Variants in LY6S observed in about 807,000 individuals in gnomAD.
LY6S encodes the protein lymphocyte antigen 6S.
chr8:143,052,421 T>G, the LY6S span, among the ~76,000 whole-genome samples: 1 of 152,196 alleles, frequency 6.6e-6, no homozygotes, highest in Admixed American at 6.5e-5. Context: ...AAAATAACCG[T>G]GGGGGCAAAC....
At chr8:143,063,796 C>G in the LY6S span, among the ~76,000 whole-genome samples, 1 of 152,186 alleles carries the variant, frequency 6.6e-6, no homozygotes, top group South Asian at 2.1e-4. Flanking sequence ...TCAGCCTGTC[C>G]GCTGTCAGCC....
At chr8:143,068,433 T>C in the LY6S span, among the ~76,000 whole-genome samples, 1 of 152,178 alleles carries the variant, frequency 6.6e-6, no homozygotes, top group Non-Finnish European at 1.5e-5. Context: ...AGTAACAATC[T>C]GATCTGTCTT....
At chr8:143,059,600 G>A in the LY6S span, 1 of 152,004 alleles carries the variant, frequency 6.6e-6, no homozygotes, top group Non-Finnish European at 1.5e-5. Context: ...AATATATATG[G>A]GACTATAGGC....
the LY6S span, among the ~76,000 whole-genome samples, chr8:143,069,148 C>T: frequency 6.6e-6 from 1 of 152,152 alleles, no homozygotes; most frequent in Non-Finnish European, 1.5e-5. Flanking sequence ...TCATCTCTTA[C>T]GTCTCCCACA....
At chr8:143,044,687 C>T in the LY6S span, 1 of 1,367,478 alleles carries the variant, frequency 7.3e-7, no homozygotes, top group Non-Finnish European at 9.8e-7. Context: ...GACTCACTGC[C>T]AAAGACGCTC....
At chr8:143,041,398 C>T in the LY6S span, among the ~76,000 whole-genome samples, 1 of 152,226 alleles carries the variant, frequency 6.6e-6, no homozygotes, top group South Asian at 2.1e-4. Context: ...TCACCTGGCT[C>T]ACAGGCAACC....
At chr8:143,071,878 A>G in the LY6S span, among the ~76,000 whole-genome samples, 2 of 152,062 alleles carry the variant, frequency 1.3e-5, no homozygotes, top group Non-Finnish European at 2.9e-5. Context: ...CACGGGAGGG[A>G]GTCTGGTGGT....
the LY6S span, among the ~76,000 whole-genome samples, chr8:143,043,445 A>C: frequency 2.0e-5 from 3 of 152,140 alleles, no homozygotes; most frequent in Admixed American, 6.5e-5. Flanking sequence ...GAGCCTGAAC[A>C]TCAAAGCCAT....
the LY6S span, chr8:143,057,917 G>A: frequency 3.4e-6 from 2 of 590,700 alleles, no homozygotes; most frequent in Non-Finnish European, 6.1e-6. Context: ...GAGGGATGCG[G>A]CCCACGGTGC....
the LY6S span, among the ~76,000 whole-genome samples, chr8:143,041,093 A>G: frequency 5.3e-5 from 8 of 152,294 alleles, no homozygotes; most frequent in South Asian, 1.5e-3. Flanking sequence ...TTGGGCACAC[A>G]TTGTCATTGA....
At chr8:143,076,386 C>T in the LY6S span, among the ~76,000 whole-genome samples, 4 of 152,276 alleles carry the variant, frequency 2.6e-5, no homozygotes, top group Non-Finnish European at 4.4e-5. Context: ...AGAGGGGTCT[C>T]GCTGGGGACG....
chr8:143,050,905 G>T, the LY6S span, among the ~76,000 whole-genome samples: 1 of 152,362 alleles, frequency 6.6e-6, no homozygotes. Flanking sequence ...TGAGTCCCCT[G>T]ACCAGGGCCC....
At chr8:143,043,356 G>T in the LY6S span, 1 of 857,576 alleles carries the variant, frequency 1.2e-6, no homozygotes, top group Non-Finnish European at 1.6e-6. Context: ...AGAGCGGGGT[G>T]GGGGATGAGC....
the LY6S span, among the ~76,000 whole-genome samples, chr8:143,062,051 A>G: frequency 1.3e-5 from 2 of 152,270 alleles, no homozygotes; most frequent in Non-Finnish European, 2.9e-5. Context: ...ATCTATAATT[A>G]GAAATAAAAC....
At chr8:143,042,966 C>T in the LY6S span, 8 of 1,347,730 alleles carry the variant, frequency 5.9e-6, no homozygotes, top group Admixed American at 5.7e-5. Context: ...AGGGAAGCCC[C>T]GACCTCTGCC....
the LY6S span, among the ~76,000 whole-genome samples, chr8:143,052,534 G>A: frequency 6.6e-6 from 1 of 152,182 alleles, no homozygotes; most frequent in East Asian, 1.9e-4. Context: ...CCCTCCTTTC[G>A]AGGCTTTAAA....
the LY6S span, chr8:143,042,971 T>C: frequency 7.4e-7 from 1 of 1,358,880 alleles, no homozygotes; most frequent in Non-Finnish European, 9.9e-7. Flanking sequence ...AGCCCCGACC[T>C]CTGCCCTGGC....
chr8:143,069,285 T>C, the LY6S span, among the ~76,000 whole-genome samples: 1 of 152,210 alleles, frequency 6.6e-6, no homozygotes, highest in South Asian at 2.1e-4. Context: ...AAATGCATTT[T>C]TAAACTTGTT....
the LY6S span, chr8:143,059,642 T>A: frequency 6.6e-6 from 1 of 152,162 alleles, no homozygotes; most frequent in Non-Finnish European, 1.5e-5. Flanking sequence ...ATTTTTAAAA[T>A]TTTTTTGTAG....
Sources: gnomAD v4.1 joint callset for allele counts (sites outside exome capture counted in the v4.1 genomes callset) on GRCh38, gnomAD v4.1.1 for gene constraint, MANE v1.5 for transcripts, NCBI Gene and HGNC (gene_info 2026-07-23, HGNC 2026-07-21) for gene names.